The following TFEC variants were observed in gnomAD, a reference collection of about 807,000 sequenced individuals.
TFEC encodes the protein transcription factor EC.
TFEC carries 31 observed loss-of-function variants against 41.6 expected under a neutral mutation model. The ratio of observed to expected loss-of-function variants is 0.74; its 90% CI spans 0.56 to 1.01. The LOEUF (loss-of-function observed/expected upper bound fraction) is 1.01. TFEC is among the 50% of genes least tolerant of loss of function. The pLI, the probability that TFEC is intolerant of heterozygous loss-of-function variation, is 0.00. For missense variants in TFEC, 402 were observed against 404.1 expected (o/e 0.99, Z 0.04); for synonymous variants, 143 against 140.6 (o/e 1.02, Z -0.12).
chr7:116,035,104 T>C (rs1402647662), upstream of TFEC, among the ~76,000 whole-genome samples: 3 of 151,972 alleles, frequency 2.0e-5, no homozygotes, highest in Non-Finnish European at 2.9e-5. Context: ...CTGATGGACA[T>C]ATCCTAAGCA....
At chr7:116,047,975 C>A (rs756150625) in intron 3 of TFEC, among the ~76,000 whole-genome samples, 1 of 152,186 alleles carries the variant, frequency 6.6e-6, no homozygotes, top group Non-Finnish European at 1.5e-5. Flanking sequence ...ACCAAAACCC[C>A]ATCAGTACAT....
exon 2 of TFEC, chr7:116,112,038 T>C (rs1335995235): frequency 6.1e-6 from 6 of 983,928 alleles, no homozygotes; most frequent in Non-Finnish European, 7.2e-6. Context: ...TTGATAGGAC[T>C]CTGAAAAGAA....
intron 1 of TFEC, among the ~76,000 whole-genome samples, chr7:115,989,321 C>T (rs1793999099): frequency 6.6e-6 from 1 of 152,220 alleles, no homozygotes; most frequent in Non-Finnish European, 1.5e-5. Flanking sequence ...GTCTACAACT[C>T]CCAGCGTGAG....
chr7:116,011,085 T>C (rs1794982992), intron 1 of TFEC, among the ~76,000 whole-genome samples: 1 of 152,208 alleles, frequency 6.6e-6, no homozygotes, highest in South Asian at 2.1e-4. Flanking sequence ...TCTTTCTTTA[T>C]TCCAGTTAGA....
upstream of TFEC, among the ~76,000 whole-genome samples, chr7:116,032,144 A>G (rs1795799546): frequency 6.6e-6 from 1 of 152,196 alleles, no homozygotes; most frequent in African/African-American, 2.4e-5. Flanking sequence ...AAACATGCAC[A>G]TAGATACATA....
chr7:116,105,919 G>GT (rs1161182778), intron 3 of TFEC, among the ~76,000 whole-genome samples: 1 of 152,044 alleles, frequency 6.6e-6, no homozygotes, highest in Non-Finnish European at 1.5e-5. Flanking sequence ...CCATTCCCGA[G>GT]TAAGATGTAC....
chr7:116,004,673 C>T (rs566819350), intron 1 of TFEC, among the ~76,000 whole-genome samples: 1 of 151,962 alleles, frequency 6.6e-6, no homozygotes, highest in East Asian at 1.9e-4. Context: ...GAACCAGGGG[C>T]AGTATGCTTA....
chr7:115,982,251 C>T (rs2130660739), intron 2 of TFEC, among the ~76,000 whole-genome samples: 1 of 151,976 alleles, frequency 6.6e-6, no homozygotes, highest in South Asian at 2.1e-4. Context: ...CAGACACCAT[C>T]TCCTGGGCTC....
chr7:115,958,726 T>C (rs1464075483), intron 3 of TFEC, among the ~76,000 whole-genome samples: 3 of 151,896 alleles, frequency 2.0e-5, no homozygotes, highest in Non-Finnish European at 4.4e-5. Flanking sequence ...ACTGTAGCCG[T>C]ATTGCATATT....
chr7:116,029,224 T>C (rs577556407), intron 1 of TFEC, among the ~76,000 whole-genome samples: 65 of 152,230 alleles, frequency 4.3e-4, no homozygotes, highest in African/African-American at 1.5e-3. Context: ...ATGAAAATTA[T>C]ATGTATTCCA....
At chr7:116,078,443 T>C (rs149974348) in intron 3 of TFEC, among the ~76,000 whole-genome samples, 1,715 of 151,994 alleles carry the variant, frequency 0.011, 33 homozygotes, top group African/African-American at 0.039. Context: ...TTAATGAGAT[T>C]AACCAAGAAA....
chr7:115,996,938 T>C (rs1794392371), intron 1 of TFEC, among the ~76,000 whole-genome samples: 1 of 152,038 alleles, frequency 6.6e-6, no homozygotes, highest in African/African-American at 2.4e-5. Context: ...CCAGGTAGAT[T>C]CCTAAGGTTT....
At chr7:116,092,058 C>T (rs960113670) in intron 3 of TFEC, among the ~76,000 whole-genome samples, 1 of 152,010 alleles carries the variant, frequency 6.6e-6, no homozygotes, top group African/African-American at 2.4e-5. Flanking sequence ...AAACACTGTC[C>T]GACCTTTGTC....
intron 1 of TFEC, among the ~76,000 whole-genome samples, chr7:116,008,502 T>C (rs1794885266): frequency 6.6e-6 from 1 of 152,156 alleles, no homozygotes; most frequent in Non-Finnish European, 1.5e-5. Flanking sequence ...AACTCTGAGC[T>C]TCACAAGTGA....
rs543962234 is a variant in TFEC, at chr7:116,132,966, A to G, written c.-68-20928T>C. ...CTGTCCTCTTTTCAATACATTGTCAACTTTGTAGCTTTGTTTCATTAATTT... is the reference window on the plus strand; with the variant it reads ...CTGTCCTCTTTTCAATACATTGTCAGCTTTGTAGCTTTGTTTCATTAATTT... On this transcript the variant is annotated intron_variant, in intron 1 of 8. Coordinates refer to the TFEC transcript ENST00000484212. Among the ~76,000 whole-genome samples, 12 of 152,256 alleles carry G rather than the reference A, an allele frequency of 7.9e-5. No individual in the cohort carries two copies. In the South Asian group the frequency reaches 2.5e-3, roughly 32 times the overall value.
upstream of TFEC, chr7:116,030,895 G>C (rs923192728): frequency 1.1e-6 from 1 of 886,602 alleles, no homozygotes; most frequent in Non-Finnish European, 1.4e-6. Context: ...AAGTTAAGAC[G>C]ACTTCCTTTC....
chr7:115,958,079 T>A (rs1346465569), intron 3 of TFEC, among the ~76,000 whole-genome samples: 1 of 151,864 alleles, frequency 6.6e-6, no homozygotes, highest in East Asian at 1.9e-4. Context: ...CTATTAGGAC[T>A]CTTCACGTTT....
chr7:116,153,660 G>C (rs1481476074), intron 1 of TFEC, among the ~76,000 whole-genome samples: 1 of 150,218 alleles, frequency 6.7e-6, no homozygotes, highest in Admixed American at 6.6e-5. Flanking sequence ...ATTGGACAAA[G>C]AGGAAAAAAA....
At chr7:115,966,415 G>A (rs1792853271) in intron 3 of TFEC, among the ~76,000 whole-genome samples, 1 of 151,690 alleles carries the variant, frequency 6.6e-6, no homozygotes, top group Non-Finnish European at 1.5e-5. Context: ...TACGTGCTAT[G>A]TCATAGACAG....
Sources: gnomAD v4.1 joint callset for allele counts (sites outside exome capture counted in the v4.1 genomes callset) on GRCh38, gnomAD v4.1.1 for gene constraint, MANE v1.5 for transcripts, NCBI Gene and HGNC (gene_info 2026-07-23, HGNC 2026-07-21) for gene names.